Variants in DVL1 observed in about 807,000 individuals in gnomAD.
DVL1 encodes dishevelled segment polarity protein 1.
A neutral mutation model predicts 65.0 loss-of-function variants in DVL1; 49 were observed. The observed-to-expected ratio is 0.75, with a 90% CI of 0.60 to 0.96. DVL1 has a LOEUF of 0.96. Among genes scored for constraint, DVL1 ranks in the 40% least tolerant of loss-of-function variants. The pLI, the probability that DVL1 is intolerant of heterozygous loss-of-function variation, is 0.00. For synonymous variants in DVL1, 608 were observed against 433.9 expected (o/e 1.40, Z -4.99); for missense variants, 1,197 against 1,045.4 (o/e 1.15, Z -2.00).
chr1:1,345,138 A>G (rs569653302), intron 1 of DVL1, among the ~76,000 whole-genome samples: 1 of 151,818 alleles, frequency 6.6e-6, no homozygotes, highest in East Asian at 1.9e-4. Context: ...CCAAGCCCGC[A>G]TGGCCCACCC....
chr1:1,336,608 C>A lies in DVL1; in HGVS notation c.1715-93G>T, dbSNP rs781561630. 1.5e-5 allele frequency: 22 copies of A among 1,440,396 alleles called. No homozygotes were observed. In the South Asian group the frequency reaches 3.2e-4, roughly 21 times the overall value. The allele number at this position is 1,440,396 out of a possible 1,614,324, so 89.2% of individuals were successfully genotyped here. A position where few individuals can be genotyped will look rare whatever the true frequency, so the allele number is the denominator to read the frequency against. On this transcript the variant is annotated intron_variant, in intron 14 of 14. Coordinates refer to ENST00000378888, the MANE Select transcript of DVL1 (RefSeq NM_001330311.2). ...CCCCCGCCAGGTGACCGGGCAGGAA[C>A]GGTGGCCCGTGCAGGACGGGTGGGT...
chr1:1,341,731 C>T lies in DVL1; in HGVS notation c.541G>A (p.Ala181Thr), dbSNP rs150591074. ...CTGGACTCAAGCTCGCTGCTGAGGG[C>T]GGTGGACGCGCTGTCTGGGGGCAGC... ...VGLPPDSAST[A>T]LSSELESSSF... Residue 181 changes from alanine to threonine, a missense_variant, in exon 5 of 15, where the codon GCC (alanine) becomes ACC (threonine). Transcript: ENST00000378888. 4.1e-5 allele frequency: 66 copies of T among 1,610,738 alleles called. No individual in the cohort carries two copies. The highest frequency in any genetic ancestry group is 5.1e-5 in the Non-Finnish European group (60 of 1,178,732).
chr1:1,336,640 G>T (rs1045550844), intron 14 of DVL1, 125 bp from the exon 15 acceptor site: 2 of 1,289,962 alleles, frequency 1.6e-6, no homozygotes, highest in African/African-American at 3.1e-5. Flanking sequence ...GGGTGGGGCA[G>T]CCATGCAGGC....
chr1:1,340,071 G>A lies in DVL1; in HGVS notation c.876C>T (p.Asp292=), dbSNP rs560603838. The change falls in exon 8 of 15, where the codon GAC becomes GAT. Residue 292 remains aspartate (D), a synonymous_variant. Transcript: ENST00000378888. Reference sequence around the variant, plus strand: ...ACATGTCGCCGGGCTCGATGCGGCCGTCAGCGGCCACAGCCCCGCCCTTCA... The same window carrying A: ...ACATGTCGCCGGGCTCGATGCGGCCATCAGCGGCCACAGCCCCGCCCTTCA... ...SIMKGGAVAA[D]GRIEPGDMLL... 128 of 1,612,976 alleles carry A rather than the reference G, an allele frequency of 7.9e-5. No homozygotes were observed. In the Middle Eastern group the frequency reaches 9.9e-4, roughly 12 times the overall value.
At position 1,338,365 on chromosome 1, in the gene DVL1, C is replaced by T. The variant is rs1569687023; in HGVS notation, c.1411G>A (p.Ala471Thr). 2 of 1,612,622 alleles carry T rather than the reference C, an allele frequency of 1.2e-6. No homozygotes were observed. Among genetic ancestry groups the T allele is most frequent in the Non-Finnish European group, 1.7e-6 (2 of 1,179,878 alleles). Residue 471 changes from alanine (A) to threonine (T), a missense_variant, in exon 13 of 15, where the codon GCC becomes ACC. By Grantham distance (58) the Ala-to-Thr change is moderately conservative (BLOSUM62 0). Transcript: ENST00000378888. ...FKERREARKY[A>T]SSLLKHGFLR... ...AAGCCGTGCTTCAGCAAGCTGCTGG[C>T]GTACTTCCGGGCCTCCCGCCGCTCC...
intron 11 of DVL1, 134 bp from the exon 12 acceptor site, chr1:1,338,787 C>A (rs905962505): frequency 2.5e-4 from 345 of 1,383,810 alleles, no homozygotes; most frequent in Non-Finnish European, 3.2e-4. Flanking sequence ...CAGCAGGGCC[C>A]CGGCCCACTG....
rs1260242744 is a variant in DVL1 at position 1,337,993 on chromosome 1, C to A, written c.1698G>T (p.Gly566=). ...CGTTCTCACCTTCACTCTGCTGACT[C>A]CCGGTGCTGCCGCTGCCATAGCTAA... ...PGFSYGSGST[G]SQQSEGSKSS... is the part of the protein sequence containing the mutation. The change falls in exon 14 of 15, where the codon GGG becomes GGT. Residue 566 remains glycine (G), a synonymous_variant. Coordinates refer to ENST00000378888, the MANE Select transcript of DVL1 (RefSeq NM_001330311.2). 3 of 1,611,376 alleles carry A rather than the reference C, an allele frequency of 1.9e-6. No homozygotes were observed. Among genetic ancestry groups the A allele is most frequent in the Non-Finnish European group, 1.7e-6 (2 of 1,179,658 alleles).
At chr1:1,336,636 G>A (rs1643586228) in intron 14 of DVL1, 121 bp from the exon 15 acceptor site, 2 of 1,325,704 alleles carry the variant, frequency 1.5e-6, no homozygotes, top group Non-Finnish European at 2.0e-6. Flanking sequence ...GGGTGGGTGG[G>A]GCAGCCATGC....
At position 1,342,040 on chromosome 1, in the gene DVL1, A is replaced by G. The variant is rs758306161; in HGVS notation, c.466+13T>C. 2.6e-6 allele frequency: 4 copies of G among 1,558,520 alleles called. No homozygotes were observed. The highest frequency in any genetic ancestry group is 3.8e-5 in the Admixed American group (2 of 52,958). ...GCTGGGGGTCCACAGCTGGGCAGAC[A>G]TGACCACTGTACCCTCCTCGCGGTT... On this transcript the variant is annotated intron_variant, in intron 4 of 14. Coordinates refer to ENST00000378888, the MANE Select transcript of DVL1 (RefSeq NM_001330311.2).
At chr1:1,348,315 G>A (rs1487448444) in intron 1 of DVL1, among the ~76,000 whole-genome samples, 1 of 152,212 alleles carries the variant, frequency 6.6e-6, no homozygotes, top group Admixed American at 6.5e-5. Context: ...GTGCTTTGTG[G>A]CTCAGTGGGG....
At chr1:1,342,515 C>T in intron 2 of DVL1, 31 bp from the exon 3 acceptor site, 1 of 1,601,462 alleles carries the variant, frequency 6.2e-7, no homozygotes. Context: ...CTCAGGGGAG[C>T]CCACCCGCCT....
chr1:1,344,065 TGGGCAG>T (rs1251005724), intron 1 of DVL1, among the ~76,000 whole-genome samples: 1 of 151,884 alleles, frequency 6.6e-6, no homozygotes, highest in African/African-American at 2.4e-5. Flanking sequence ...AGGGGATGGC[TGGGCAG>T]GGGCAGGTCC....
rs1033171311 is a variant in DVL1, at chr1:1,335,783, G to A, written c.*359C>T. 1.6e-4 allele frequency: 49 copies of A among 299,092 alleles called. No individual in the cohort carries two copies. The highest frequency in any genetic ancestry group is 9.6e-4 in the African/African-American group (43 of 44,606). 18.5% of individuals were successfully genotyped at this position (299,092 alleles called of 1,614,324 possible). ...AGACAGGGGGCCTGTGCACCGCAGGGGGTTGCCCCGCATGGACCACCCTGG... is the reference window on the plus strand; with the variant it reads ...AGACAGGGGGCCTGTGCACCGCAGGAGGTTGCCCCGCATGGACCACCCTGG... On this transcript the variant is annotated 3_prime_UTR_variant, in exon 15 of 15. Transcript: ENST00000378888.
rs1041124766 is a variant in DVL1, at chr1:1,339,298, G to A, written c.1196C>T (p.Pro399Leu). The change falls in exon 11 of 15, where the codon CCT (proline) becomes CTT (leucine). Residue 399 changes from proline (P) to leucine (L), a missense_variant. Coordinates refer to ENST00000378888, the MANE Select transcript of DVL1 (RefSeq NM_001330311.2). Reference protein sequence around the residue: ...TSSSSLTSSVPGAPQLEEAPL... With the variant: ...TSSSSLTSSVLGAPQLEEAPL... The stretch of plus-strand genomic sequence containing the variant: ...GAGCTGCCACTTACGTGGAGCACCA[G>A]GCACGGAGCTGGTTAGTGAGGAGGA... The A allele has an allele frequency of 2.6e-6, 4 of 1,548,462 alleles. No homozygotes were observed. Among genetic ancestry groups the A allele is most frequent in the African/African-American group, 2.7e-5 (2 of 72,996 alleles).
rs1643857719 is a variant in DVL1, at chr1:1,342,165, CA to C, written c.363-10del. On this transcript the variant is annotated splice_polypyrimidine_tract_variant and intron_variant, in intron 3 of 14. Coordinates refer to ENST00000378888, the MANE Select transcript of DVL1 (RefSeq NM_001330311.2). The stretch of plus-strand genomic sequence containing the variant: ...TGCTGGCCACATTTGGGCTGTGCAA[CA>C]AGAGCAGGGTGGGTGGGGAGGCCGT... The C allele has an allele frequency of 5.1e-6, 8 of 1,554,036 alleles. No individual in the cohort carries two copies. The highest frequency in any genetic ancestry group is 1.4e-5 in the African/African-American group (1 of 73,712).
chr1:1,343,060 G>T (rs929440598), intron 1 of DVL1, among the ~76,000 whole-genome samples: 17 of 152,088 alleles, frequency 1.1e-4, no homozygotes, highest in Non-Finnish European at 1.8e-4. Flanking sequence ...CAGTGGCTGT[G>T]GACATCCTCA....
rs749063724 is a variant in DVL1 at position 1,340,163 on chromosome 1, G to C, written c.784C>G (p.Leu262Val). Residue 262 changes from leucine to valine, a missense_variant, in exon 8 of 15, where the codon CTG becomes GTG. Transcript: ENST00000378888. Reference protein sequence around the residue: ...VTLNMERHHFLGISIVGQSND... With the variant: ...VTLNMERHHFVGISIVGQSND... ...CTCTGCCCCACGATGCTGATGCCCA[G>C]AAAGTGATGTCTTTCTGCAGGAAGA... 1 of 1,613,738 alleles carries C rather than the reference G, an allele frequency of 6.2e-7. No individual in the cohort carries two copies. Among genetic ancestry groups the C allele is most frequent in the East Asian group, 2.2e-5 (1 of 44,868 alleles).
Position 1,345,382 on chromosome 1 carries a change from C to T in DVL1, c.171-2624G>A, listed in dbSNP as rs375976757. ...AGGGAAGGGTGGGGTCTGCCTGGGG[C>T]TCCAGGGATCAGCTACCCAGGTCCC... is the stretch of plus-strand genomic sequence containing the variant. On this transcript the variant is annotated intron_variant, in intron 1 of 14. Transcript: ENST00000378888. 1.3e-5 allele frequency among the ~76,000 whole-genome samples: 2 copies of T among 152,196 alleles called. 1 individual carries two copies. Among genetic ancestry groups the T allele is most frequent in the South Asian group, 4.1e-4 (2 of 4,834 alleles).
chr1:1,337,995 C>T lies in DVL1; in HGVS notation c.1696G>A (p.Gly566Arg), dbSNP rs1049961984. 14 of 1,611,364 alleles carry T rather than the reference C, an allele frequency of 8.7e-6. No homozygotes were observed. Among genetic ancestry groups the T allele is most frequent in the African/African-American group, 6.7e-5 (5 of 74,862 alleles). The change falls in exon 14 of 15, where the codon GGG (glycine) becomes AGG (arginine). Residue 566 changes from glycine (G) to arginine (R), a missense_variant. Physicochemically the swap from Gly to Arg is moderately radical, Grantham distance 125. Transcript: ENST00000378888. The part of the protein sequence containing the change: ...PGFSYGSGST[G>R]SQQSEGSKSS... ...TTCTCACCTTCACTCTGCTGACTCC[C>T]GGTGCTGCCGCTGCCATAGCTAAAG...
Sources: gnomAD v4.1 joint callset for allele counts (sites outside exome capture counted in the v4.1 genomes callset) on GRCh38, gnomAD v4.1.1 for gene constraint, MANE v1.5 for transcripts, NCBI Gene and HGNC (gene_info 2026-07-23, HGNC 2026-07-21) for gene names.